Variants in ARHGEF12 observed in about 807,000 individuals in gnomAD.
ARHGEF12 encodes the protein KMT2A/ARHGEF12 fusion protein.
Under a neutral mutation model 211.2 loss-of-function variants are expected in ARHGEF12, and 66 were observed. The ratio of observed to expected loss-of-function variants is 0.31; its 90% CI spans 0.26 to 0.38. ARHGEF12 has a LOEUF of 0.38. Among genes scored for constraint, ARHGEF12 ranks in the 10% least tolerant of loss-of-function variants. ARHGEF12 has a pLI of 1.00. For missense variants in ARHGEF12, 1,429 were observed against 1,869.5 expected (o/e 0.76, Z 4.34); for synonymous variants, 592 against 638.4 (o/e 0.93, Z 1.09).
At chr11:120,403,248 T>A (rs1944592898) in intron 1 of ARHGEF12, among the ~76,000 whole-genome samples, 2 of 152,202 alleles carry the variant, frequency 1.3e-5, no homozygotes, top group Admixed American at 1.3e-4. Flanking sequence ...GGCTCACACC[T>A]GTAATCCCAG....
chr11:120,452,014 C>T (rs915568112), intron 22 of ARHGEF12, among the ~76,000 whole-genome samples: 8 of 152,070 alleles, frequency 5.3e-5, no homozygotes, highest in Non-Finnish European at 1.2e-4. Flanking sequence ...CTCTTGAGAG[C>T]GATAGTCACA....
In ARHGEF12 at chr11:120,488,153, A is replaced by G. The variant is rs958347561; in HGVS notation, c.*3076A>G. The G allele has an allele frequency of 4.6e-6, 1 of 217,204 alleles. No individual in the cohort carries two copies. The highest frequency in any genetic ancestry group is 2.3e-5 in the African/African-American group (1 of 44,384). 13.5% of individuals were successfully genotyped at this position (217,204 alleles called of 1,614,324 possible). A position where few individuals can be genotyped will look rare whatever the true frequency, so the allele number is the denominator to read the frequency against. On this transcript the variant is annotated 3_prime_UTR_variant, in exon 41 of 41. Coordinates refer to ENST00000397843, the MANE Select transcript of ARHGEF12 (RefSeq NM_015313.3). The stretch of plus-strand genomic sequence containing the variant: ...TTATTTTTAGAAGCTAAAGAAAGTA[A>G]TTATGCTTCCTGTGAATTGTCTTTT...
chr11:120,459,469 C>CT, intron 26 of ARHGEF12, 149 bp downstream of exon 26: 1 of 843,604 alleles, frequency 1.2e-6, no homozygotes, highest in East Asian at 2.8e-5. Context: ...GGAACTTTGA[C>CT]TAGATCCTTT....
intron 22 of ARHGEF12, among the ~76,000 whole-genome samples, chr11:120,456,031 A>G (rs1338434298): frequency 2.0e-5 from 3 of 152,178 alleles, no homozygotes; most frequent in African/African-American, 7.2e-5. Flanking sequence ...AAAATATATA[A>G]TCCTAACTAG....
At chr11:120,349,339 A>G (rs892432318) in intron 1 of ARHGEF12, among the ~76,000 whole-genome samples, 1 of 152,224 alleles carries the variant, frequency 6.6e-6, no homozygotes, top group Non-Finnish European at 1.5e-5. Flanking sequence ...TAGTAATTAT[A>G]TTAATTTTGA....
intron 26 of ARHGEF12, among the ~76,000 whole-genome samples, chr11:120,459,739 C>T (rs1017902776): frequency 6.6e-6 from 1 of 152,234 alleles, no homozygotes; most frequent in African/African-American, 2.4e-5. Flanking sequence ...GATGGAGTCT[C>T]GCTCTGTTGC....
chr11:120,361,705 C>A (rs530459566), intron 1 of ARHGEF12, among the ~76,000 whole-genome samples: 39 of 152,182 alleles, frequency 2.6e-4, no homozygotes, highest in Admixed American at 1.2e-3. Context: ...GTATCCAGCT[C>A]ACCTACATAT....
chr11:120,339,397 G>A (rs373704484), intron 1 of ARHGEF12, among the ~76,000 whole-genome samples: 1 of 152,144 alleles, frequency 6.6e-6, no homozygotes, highest in Non-Finnish European at 1.5e-5. Context: ...TCTTAACAAA[G>A]TTACGAGTAT....
At chr11:120,447,288 G>A in intron 18 of ARHGEF12, 1 of 483,248 alleles carries the variant, frequency 2.1e-6, no homozygotes, top group Non-Finnish European at 3.5e-6. Flanking sequence ...TTTCTGGGTG[G>A]TGGTAAATGG....
At position 120,488,800 on chromosome 11, in the gene ARHGEF12, A is replaced by T. The variant is rs1302343900; in HGVS notation, c.*3723A>T. ...TTAAAAAATATCTGGAACTATCTTT[A>T]AAAAAACTTTATTAATAATCATGTA... On this transcript the variant is annotated 3_prime_UTR_variant, in exon 41 of 41. Transcript: ENST00000397843. 9.5e-6 allele frequency: 2 copies of T among 210,546 alleles called. No individual in the cohort carries two copies. Among genetic ancestry groups the T allele is most frequent in the African/African-American group, 2.3e-5 (1 of 44,090 alleles). The allele number at this position is 210,546 out of a possible 1,614,324, so 13.0% of individuals were successfully genotyped here.
At chr11:120,337,928 C>T (rs1301209301) in intron 1 of ARHGEF12, 37 of 983,600 alleles carry the variant, frequency 3.8e-5, no homozygotes, top group Non-Finnish European at 4.3e-5. Flanking sequence ...TCCAGAAACA[C>T]TTGGCGTTTA....
chr11:120,360,551 T>C (rs1358613689), intron 1 of ARHGEF12, among the ~76,000 whole-genome samples: 1 of 151,930 alleles, frequency 6.6e-6, no homozygotes, highest in Non-Finnish European at 1.5e-5. Context: ...TACCACCACA[T>C]TGGATAATTT....
intron 1 of ARHGEF12, among the ~76,000 whole-genome samples, chr11:120,354,210 C>T (rs551061164): frequency 5.3e-4 from 81 of 152,222 alleles, no homozygotes; most frequent in Non-Finnish European, 1.0e-3. Context: ...AACCTGTAAT[C>T]CCAGTCGGCC....
rs1025919456 is a variant in ARHGEF12, at chr11:120,367,353, C to CTTTTTTTT, written c.32+30101_32+30108dup. On this transcript the variant is annotated intron_variant, in intron 1 of 40. Transcript: ENST00000397843. ...AAAAAATCTGTTAGGATACTTTTTC[C>CTTTTTTTT]TTTTTTTTTTTTTTTTTTTTTTTTT... is the stretch of plus-strand genomic sequence containing the variant. 3.7e-3 allele frequency among the ~76,000 whole-genome samples: 219 copies of CTTTTTTTT among 59,350 alleles called. 54 individuals carry two copies. Among genetic ancestry groups the CTTTTTTTT allele is most frequent in the African/African-American group, 9.6e-3 (124 of 12,946 alleles). The allele number at this position is 59,350 out of a possible 152,430, so 38.9% of individuals were successfully genotyped here. A position where few individuals can be genotyped will look rare whatever the true frequency, so the allele number is the denominator to read the frequency against.
intron 29 of ARHGEF12, among the ~76,000 whole-genome samples, chr11:120,468,761 G>T (rs768280694): frequency 6.6e-6 from 1 of 152,044 alleles, no homozygotes; most frequent in Non-Finnish European, 1.5e-5. Context: ...GCCTCAATAC[G>T]TTTTGATGAA....
In ARHGEF12 at chr11:120,431,855, G is replaced by C; in HGVS notation, c.868G>C (p.Gly290Arg). The change falls in exon 11 of 41, where the codon GGC becomes CGC. Residue 290 changes from glycine (G) to arginine (R), a missense_variant. By Grantham distance (125) the Gly-to-Arg change is moderately radical. Around this residue, in one of 7 missense-constraint regions of ARHGEF12, gnomAD observed 254 missense variants for 286.4 expected, o/e 0.89. Coordinates refer to ENST00000397843, the MANE Select transcript of ARHGEF12 (RefSeq NM_015313.3). ...EAETDPGDVL[G>R]RTDCSSGDAS... ...AGAAACAGATCCTGGAGATGTACTG[G>C]GCAGGACTGACTGTAGCAGTGGAGA... 6 of 1,613,954 alleles carry C rather than the reference G, an allele frequency of 3.7e-6. No individual in the cohort carries two copies. Among genetic ancestry groups the C allele is most frequent in the Non-Finnish European group, 5.1e-6 (6 of 1,179,916 alleles).
Position 120,409,245 on chromosome 11 carries a change from A to G in ARHGEF12, c.143-149A>G, listed in dbSNP as rs562298148. ...GTCATTACCTGTGCTGTTTGTGACTATTCTAAGTGCTGTCATCTGTTATGT... is the reference window on the plus strand; with the variant it reads ...GTCATTACCTGTGCTGTTTGTGACTGTTCTAAGTGCTGTCATCTGTTATGT... On this transcript the variant is annotated intron_variant, in intron 3 of 40. Coordinates refer to ENST00000397843, the MANE Select transcript of ARHGEF12 (RefSeq NM_015313.3). 22 of 657,802 alleles carry G rather than the reference A, an allele frequency of 3.3e-5. 1 individual carries two copies. Among genetic ancestry groups the G allele is most frequent in the Non-Finnish European group, 5.0e-5 (19 of 378,998 alleles). 40.7% of individuals were successfully genotyped at this position (657,802 alleles called of 1,614,324 possible). A position where few individuals can be genotyped will look rare whatever the true frequency, so the allele number is the denominator to read the frequency against.
intron 1 of ARHGEF12, among the ~76,000 whole-genome samples, chr11:120,387,714 T>C (rs979365744): frequency 3.3e-5 from 5 of 152,160 alleles, no homozygotes; most frequent in African/African-American, 1.2e-4. Context: ...AGTAGTTTAC[T>C]AAAGCATTCC....
chr11:120,373,780 G>A (rs1307200704), intron 1 of ARHGEF12, among the ~76,000 whole-genome samples: 1 of 151,954 alleles, frequency 6.6e-6, no homozygotes, highest in Non-Finnish European at 1.5e-5. Context: ...ACTACTTTGA[G>A]AAAATAATTA....
Sources: gnomAD v4.1 joint callset for allele counts (sites outside exome capture counted in the v4.1 genomes callset) on GRCh38, gnomAD v4.1.1 for gene constraint, gnomAD v4.1.1 regional missense constraint, MANE v1.5 for transcripts, NCBI Gene and HGNC (gene_info 2026-07-23, HGNC 2026-07-21) for gene names.